Variants in RBFOX1 observed in about 807,000 individuals in gnomAD.
The protein encoded by RBFOX1 is RNA binding fox-1 homolog 1.
Under a neutral mutation model 57.7 loss-of-function variants are expected in RBFOX1, and 8 were observed. The observed-to-expected ratio is 0.14, with a 90% CI of 0.08 to 0.25. The LOEUF (loss-of-function observed/expected upper bound fraction) is 0.25. Among genes scored for constraint, RBFOX1 ranks in the 10% least tolerant of loss-of-function variants. The pLI is 1.00. For missense variants in RBFOX1, 611 were observed against 548.5 expected (o/e 1.11, Z -1.14); for synonymous variants, 326 against 222.4 (o/e 1.47, Z -4.15).
intron 2 of RBFOX1, among the ~76,000 whole-genome samples, chr16:6,501,036 C>A (rs2095902121): frequency 6.6e-6 from 1 of 151,382 alleles, no homozygotes; most frequent in Non-Finnish European, 1.5e-5. Context: ...GTAGGATGGT[C>A]TCACTGCCCA....
At chr16:7,374,940 T>C (rs1596793439) in intron 4 of RBFOX1, among the ~76,000 whole-genome samples, 1 of 152,222 alleles carries the variant, frequency 6.6e-6, no homozygotes, top group Non-Finnish European at 1.5e-5. Context: ...CTTACAAATT[T>C]AAACGGAGCC....
At position 5,286,480 on chromosome 16, in the gene RBFOX1, G is replaced by T. The variant is rs188456380; in HGVS notation, c.219+46375G>T. On this transcript the variant is annotated intron_variant, in intron 1 of 2. Coordinates refer to the RBFOX1 transcript ENST00000585867. ...CCAGGCCCCCAGATGGTACATTCAG[G>T]CACCAGCATATTCCTATGCATTTCT... Among the ~76,000 whole-genome samples, 3 of 152,238 alleles carry T rather than the reference G, an allele frequency of 2.0e-5. No individual in the cohort carries two copies. The East Asian group carries it at 5.8e-4, about 29-fold the overall frequency.
At chr16:7,314,886 C>A (rs758576535) in intron 4 of RBFOX1, among the ~76,000 whole-genome samples, 2 of 152,106 alleles carry the variant, frequency 1.3e-5, no homozygotes. Context: ...AATGCAGCTT[C>A]GTTTTGAATG....
intron 3 of RBFOX1, among the ~76,000 whole-genome samples, chr16:6,726,898 C>A (rs1397404535): frequency 6.6e-6 from 1 of 151,832 alleles, no homozygotes; most frequent in African/African-American, 2.4e-5. Flanking sequence ...CTATAAATGG[C>A]TGAGGAGGGA....
At chr16:5,679,527 C>T (rs1397259954) in intron 3 of RBFOX1, among the ~76,000 whole-genome samples, 3 of 152,056 alleles carry the variant, frequency 2.0e-5, no homozygotes, top group South Asian at 2.1e-4. Context: ...CGACAGGTCC[C>T]GGTGTGTGGC....
At chr16:7,493,700 G>A (rs2067675580) in intron 4 of RBFOX1, among the ~76,000 whole-genome samples, 1 of 152,214 alleles carries the variant, frequency 6.6e-6, no homozygotes, top group East Asian at 1.9e-4. Flanking sequence ...GCTCAAAAAT[G>A]GCAAAGAAAC....
intron 4 of RBFOX1, among the ~76,000 whole-genome samples, chr16:5,991,695 G>C (rs2060402025): frequency 6.8e-6 from 1 of 147,094 alleles, no homozygotes; most frequent in Non-Finnish European, 1.5e-5. Flanking sequence ...TAACTTCTGT[G>C]GGGAAGTTTG....
At chr16:5,630,932 C>G (rs193259343) in intron 3 of RBFOX1, among the ~76,000 whole-genome samples, 8 of 152,296 alleles carry the variant, frequency 5.3e-5, no homozygotes, top group African/African-American at 1.9e-4. Context: ...TTTTCTCCAT[C>G]TATTCCAAAA....
rs570118551 is a variant in RBFOX1 at position 5,909,194 on chromosome 16, G to A, written c.351+41859G>A. 1.3e-4 allele frequency among the ~76,000 whole-genome samples: 19 copies of A among 145,588 alleles called. 1 individual carries two copies. In the East Asian group the frequency reaches 2.6e-3, roughly 20 times the overall value. On this transcript the variant is annotated intron_variant, in intron 4 of 19. Transcript: ENST00000641259. ...TGCAAGCTCCGCCTCCCGGGTTCAC[G>A]CCATTCTCCTGCTTCAGCCTCCCGA...
chr16:7,505,580 A>C (rs192633191), intron 4 of RBFOX1, among the ~76,000 whole-genome samples: 1 of 152,324 alleles, frequency 6.6e-6, no homozygotes, highest in African/African-American at 2.4e-5. Flanking sequence ...ACTTTTAAAG[A>C]GTTGAGAAAA....
chr16:7,145,789 A>C (rs12930440), intron 4 of RBFOX1, among the ~76,000 whole-genome samples: 114,474 of 152,154 alleles, frequency 0.75, 43,169 homozygotes, highest in Middle Eastern at 0.81. Context: ...GAGTCTCCCT[A>C]TACCTCTCTC....
chr16:6,922,876 C>G (rs1372616747), intron 3 of RBFOX1, among the ~76,000 whole-genome samples: 1 of 152,086 alleles, frequency 6.6e-6, no homozygotes, highest in Non-Finnish European at 1.5e-5. Context: ...CTAGGTGTAC[C>G]TTGGGAAGTC....
intron 4 of RBFOX1, among the ~76,000 whole-genome samples, chr16:7,085,344 A>G (rs923467584): frequency 4.6e-5 from 7 of 152,012 alleles, no homozygotes; most frequent in East Asian, 1.9e-4. Context: ...ACCTTGCTGG[A>G]TCAGCCAGTA....
chr16:6,502,064 C>A (rs766740690), intron 2 of RBFOX1, among the ~76,000 whole-genome samples: 1 of 152,100 alleles, frequency 6.6e-6, no homozygotes, highest in East Asian at 1.9e-4. Flanking sequence ...TCCTAGTTTC[C>A]AGGGAATGGG....
intron 4 of RBFOX1, among the ~76,000 whole-genome samples, chr16:5,877,231 C>T (rs1436968574): frequency 2.0e-5 from 3 of 152,212 alleles, no homozygotes; most frequent in East Asian, 1.9e-4. Flanking sequence ...TTGGAGGGGT[C>T]ACGCATTTAT....
chr16:6,389,321 A>G (rs1293568962), intron 2 of RBFOX1, among the ~76,000 whole-genome samples: 1 of 151,856 alleles, frequency 6.6e-6, no homozygotes, highest in Non-Finnish European at 1.5e-5. Context: ...GGCATTGTCA[A>G]GATGACCTGC....
intron 3 of RBFOX1, among the ~76,000 whole-genome samples, chr16:6,799,207 T>G (rs111376604): frequency 0.054 from 8,164 of 152,142 alleles, 307 homozygotes; most frequent in Middle Eastern, 0.092. Flanking sequence ...GCCAGTTTAC[T>G]AGGGGAAACC....
chr16:6,049,462 G>A (rs1335260108), intron 1 of RBFOX1, among the ~76,000 whole-genome samples: 1 of 151,936 alleles, frequency 6.6e-6, no homozygotes, highest in Middle Eastern at 3.2e-3. Context: ...CATATGCCCT[G>A]GCCACTCTCC....
chr16:6,524,664 C>G (rs569598274), intron 2 of RBFOX1, among the ~76,000 whole-genome samples: 24 of 152,268 alleles, frequency 1.6e-4, no homozygotes, highest in African/African-American at 5.5e-4. Flanking sequence ...TTTCTAGAGG[C>G]TTAAAGTCTG....
Sources: allele counts gnomAD v4.1 joint callset (sites outside exome capture counted in the v4.1 genomes callset), GRCh38; gene constraint gnomAD v4.1.1; transcripts MANE v1.5; gene names NCBI Gene and HGNC (gene_info 2026-07-23, HGNC 2026-07-21).